The following CCDC73 variants were observed in gnomAD, a reference collection of about 807,000 sequenced individuals.
The protein encoded by CCDC73 is coiled-coil domain containing 73, also known as coiled-coil domain-containing protein 73.
A neutral mutation model predicts 116.5 loss-of-function variants in CCDC73; 95 were observed. The ratio of observed to expected loss-of-function variants is 0.82; its 90% CI spans 0.69 to 0.97. The LOEUF is 0.97. CCDC73 is among the 50% of genes least tolerant of loss of function. The pLI, the probability that CCDC73 is intolerant of heterozygous loss-of-function variation, is 0.00. For missense variants in CCDC73, 1,066 were observed against 1,206.8 expected (o/e 0.88, Z 1.73); for synonymous variants, 398 against 401.3 (o/e 0.99, Z 0.10).
rs1849788839 is a variant in CCDC73, at chr11:32,699,379, G to C, written c.316-54C>G. On this transcript the variant is annotated intron_variant, in intron 5 of 17. Transcript: ENST00000335185. ...TTTCCAATGTAAATAATAATACAAAGGGTAAAATATAAGAGCTCAAGAACC... is the reference window on the plus strand; with the variant it reads ...TTTCCAATGTAAATAATAATACAAACGGTAAAATATAAGAGCTCAAGAACC... The C allele has an allele frequency of 4.2e-6, 6 of 1,419,682 alleles. No homozygotes were observed. In the Middle Eastern group the frequency reaches 7.7e-4, roughly 183 times the overall value. The allele number at this position is 1,419,682 out of a possible 1,614,324, so 87.9% of individuals were successfully genotyped here.
At chr11:32,690,781 C>T (rs989983422) in intron 6 of CCDC73, among the ~76,000 whole-genome samples, 12 of 152,208 alleles carry the variant, frequency 7.9e-5, no homozygotes, top group African/African-American at 2.2e-4. Context: ...CATAAATTAC[C>T]CAGTCTCAGG....
chr11:32,715,551 C>T (rs1849937480), intron 3 of CCDC73, among the ~76,000 whole-genome samples: 1 of 151,930 alleles, frequency 6.6e-6, no homozygotes, highest in South Asian at 2.1e-4. Context: ...GCCATCATGA[C>T]TCTTCATCAA....
At chr11:32,606,682 C>G (rs1855355139) in intron 17 of CCDC73, among the ~76,000 whole-genome samples, 2 of 152,072 alleles carry the variant, frequency 1.3e-5, no homozygotes, top group South Asian at 4.1e-4. Context: ...AATATCTAGC[C>G]TAGGTCCACC....
chr11:32,611,613 G>A (rs749147217), intron 16 of CCDC73, among the ~76,000 whole-genome samples: 11 of 152,078 alleles, frequency 7.2e-5, no homozygotes, highest in Non-Finnish European at 1.6e-4. Flanking sequence ...CATTTGTATA[G>A]TGAATATTTT....
intron 17 of CCDC73, among the ~76,000 whole-genome samples, chr11:32,607,302 C>T (rs1017388649): frequency 1.9e-4 from 29 of 150,710 alleles, no homozygotes; most frequent in Non-Finnish European, 3.0e-4. Flanking sequence ...CCGTTTTAGC[C>T]GGGATGGTCT....
In CCDC73 at chr11:32,780,919, C is replaced by T. The variant is rs931625918; in HGVS notation, c.-16+13694G>A. On this transcript the variant is annotated intron_variant, in intron 1 of 17. Transcript: ENST00000335185. ...ACTCTTAACCACTATATTATAGTGC[C>T]TCTCAAAAGTTTGTGCCCAGCCTGG... 1.3e-5 allele frequency among the ~76,000 whole-genome samples: 2 copies of T among 152,130 alleles called. 1 individual carries two copies. The highest frequency in any genetic ancestry group is 2.9e-5 in the Non-Finnish European group (2 of 68,014).
chr11:32,646,764 T>A (rs1428572471), intron 12 of CCDC73, among the ~76,000 whole-genome samples: 3 of 152,118 alleles, frequency 2.0e-5, no homozygotes, highest in Non-Finnish European at 4.4e-5. Flanking sequence ...GGTCATTTCC[T>A]CTCCCTCTAT....
chr11:32,645,040 T>C (rs1222676413), intron 12 of CCDC73, among the ~76,000 whole-genome samples: 1 of 152,114 alleles, frequency 6.6e-6, no homozygotes, highest in East Asian at 1.9e-4. Context: ...TTAATGAATA[T>C]TAATAAAGCC....
At chr11:32,611,063 T>C (rs1363907616) in intron 17 of CCDC73, 69 bp downstream of exon 17, 2 of 1,489,092 alleles carry the variant, frequency 1.3e-6, no homozygotes, top group East Asian at 4.6e-5. Context: ...TCCAGATGCG[T>C]ACAGTTCTAC....
intron 2 of CCDC73, among the ~76,000 whole-genome samples, chr11:32,744,763 T>C (rs558561086): frequency 1.8e-4 from 28 of 152,326 alleles, no homozygotes; most frequent in African/African-American, 6.7e-4. Context: ...ATCCCCTTTA[T>C]CATTTTTTAT....
intron 1 of CCDC73, among the ~76,000 whole-genome samples, chr11:32,772,953 A>G (rs1850503528): frequency 6.6e-6 from 1 of 152,230 alleles, no homozygotes; most frequent in South Asian, 2.1e-4. Context: ...TTAGATTCCC[A>G]AGAGAACACT....
the CCDC73 span, among the ~76,000 whole-genome samples, chr11:32,808,307 C>A: frequency 6.6e-6 from 1 of 152,100 alleles, no homozygotes; most frequent in African/African-American, 2.4e-5. Context: ...GATAATTTAG[C>A]ATGAGTGGGG....
At chr11:32,726,332 A>G (rs1850029375) in intron 2 of CCDC73, among the ~76,000 whole-genome samples, 1 of 152,218 alleles carries the variant, frequency 6.6e-6, no homozygotes, top group Admixed American at 6.5e-5. Flanking sequence ...AACAAAATGA[A>G]TTTCCACAGA....
intron 12 of CCDC73, among the ~76,000 whole-genome samples, chr11:32,649,942 C>A (rs1463023906): frequency 6.6e-6 from 1 of 152,076 alleles, no homozygotes; most frequent in Non-Finnish European, 1.5e-5. Flanking sequence ...TCTAGCTTCT[C>A]TATATACTAT....
intron 6 of CCDC73, among the ~76,000 whole-genome samples, chr11:32,695,784 A>AAG (rs1554965445): frequency 6.6e-6 from 1 of 151,124 alleles, no homozygotes; most frequent in African/African-American, 2.4e-5. Flanking sequence ...TAAAAAAAAA[A>AAG]AAAAAAAGAC....
intron 2 of CCDC73, among the ~76,000 whole-genome samples, chr11:32,748,249 C>T (rs1850257795): frequency 2.0e-5 from 2 of 98,620 alleles, no homozygotes; most frequent in African/African-American, 7.5e-5. Context: ...GGTGATTTTT[C>T]TCTGGTGGTA....
At chr11:32,638,520 C>T (rs553912717) in intron 13 of CCDC73, among the ~76,000 whole-genome samples, 6 of 151,982 alleles carry the variant, frequency 3.9e-5, no homozygotes, top group African/African-American at 9.7e-5. Context: ...CTTGTTCTCT[C>T]GCCAGGCTGG....
chr11:32,778,864 A>G (rs1462790537), intron 1 of CCDC73, among the ~76,000 whole-genome samples: 1 of 152,162 alleles, frequency 6.6e-6, no homozygotes, highest in African/African-American at 2.4e-5. Context: ...TATTCCCAAA[A>G]TATGAACCAG....
At chr11:32,635,127 A>G (rs1855666175) in intron 14 of CCDC73, among the ~76,000 whole-genome samples, 1 of 152,232 alleles carries the variant, frequency 6.6e-6, no homozygotes, top group African/African-American at 2.4e-5. Flanking sequence ...AAAATATCCA[A>G]ATAAATGGAA....
Sources: gnomAD v4.1 joint callset for allele counts (sites outside exome capture counted in the v4.1 genomes callset) on GRCh38, gnomAD v4.1.1 for gene constraint, MANE v1.5 for transcripts, NCBI Gene and HGNC (gene_info 2026-07-23, HGNC 2026-07-21) for gene names.